DCLK3: variants seen among roughly 807,000 people sequenced by gnomAD.
DCLK3 encodes doublecortin like kinase 3, also known as serine/threonine-protein kinase DCLK3.
Under a neutral mutation model 46.4 loss-of-function variants are expected in DCLK3, and 30 were observed. That is an observed-to-expected ratio of 0.65 (90% CI 0.48 to 0.88). DCLK3 has a LOEUF of 0.88. Among genes scored for constraint, DCLK3 ranks in the 40% least tolerant of loss-of-function variants. The pLI is 0.00. For synonymous variants in DCLK3, 401 were observed against 339.2 expected, an observed-to-expected ratio of 1.18 and a Z score of -2.00; for missense variants, 846 against 907.1, an observed-to-expected ratio of 0.93 and a Z score of 0.87.
chr3:36,721,781 C>A, intron 2 of DCLK3, 122 bp from the exon 3 acceptor site: 1 of 1,162,832 alleles, frequency 8.6e-7, no homozygotes, highest in Admixed American at 2.2e-5. Flanking sequence ...GAGATTACAG[C>A]TTAGCCCAAC....
At chr3:36,727,667 A>G (rs1575137599) in intron 2 of DCLK3, among the ~76,000 whole-genome samples, 1 of 152,306 alleles carries the variant, frequency 6.6e-6, no homozygotes, top group East Asian at 1.9e-4. Flanking sequence ...GGTGGGGGGC[A>G]GCGGTTAAGA....
chr3:36,722,036 A>G (rs1457529786), intron 2 of DCLK3, among the ~76,000 whole-genome samples: 1 of 152,192 alleles, frequency 6.6e-6, no homozygotes, highest in Non-Finnish European at 1.5e-5. Context: ...ACACACTTCC[A>G]TTGTTGCAGA....
intron 1 of DCLK3, among the ~76,000 whole-genome samples, chr3:36,758,527 C>T (rs1442547875): frequency 1.3e-5 from 2 of 152,172 alleles, no homozygotes; most frequent in Admixed American, 6.5e-5. Flanking sequence ...GTTCCTGTTC[C>T]TTCCACTGTG....
At chr3:36,724,377 A>G (rs1050263783) in intron 2 of DCLK3, among the ~76,000 whole-genome samples, 1 of 152,184 alleles carries the variant, frequency 6.6e-6, no homozygotes, top group African/African-American at 2.4e-5. Flanking sequence ...ACTTTGGGGA[A>G]CTATTGAGAA....
At chr3:36,742,843 G>A (rs575201784) in intron 1 of DCLK3, among the ~76,000 whole-genome samples, 9 of 152,214 alleles carry the variant, frequency 5.9e-5, no homozygotes, top group African/African-American at 1.9e-4. Context: ...TATCCTTTAG[G>A]CCTGGGGCTC....
Position 36,721,586 on chromosome 3 carries a change from G to A in DCLK3, c.2033C>T (p.Pro678Leu). 2 of 1,614,132 alleles carry A rather than the reference G, an allele frequency of 1.2e-6. No homozygotes were observed. Among genetic ancestry groups the A allele is most frequent in the Admixed American group, 1.7e-5 (1 of 60,010 alleles). The change falls in exon 3 of 5, where the codon CCT becomes CTT. Residue 678 changes from proline (P) to leucine (L), a missense_variant. This residue lies in a region of DCLK3 where 247 missense variants were observed against 322.8 expected (regional missense o/e 0.77). Coordinates refer to ENST00000636136, the MANE Select transcript of DCLK3 (RefSeq NM_001394672.2). ...TGGGGTCCCACACACAGTAAATATA[G>A]GTCTCACCACATGCTTTGCAAGTCC... ...DFGLAKHVVR[P>L]IFTVCGTPTY...
Position 36,737,736 on chromosome 3 carries a change from G to A in DCLK3, c.1431C>T (p.Gly477=). Residue 477 remains glycine (G), a synonymous_variant, in exon 2 of 5, where the codon GGC becomes GGT. Transcript: ENST00000636136. This position sits in a 1 kb window ranked among gnomAD's most constrained non-coding sequence, Gnocchi z 4.4. The stretch of plus-strand genomic sequence containing the variant: ...GGTCATCTCTGAGAGTCATCCTTCT[G>A]CCTCCAGACATACATGGCTTTTTCT... ...EKEKKPCMSG[G]RRMTLRDDQP... The A allele has an allele frequency of 6.2e-7, 1 of 1,614,096 alleles. No individual in the cohort carries two copies.
rs1701273711 is a variant in DCLK3, at chr3:36,737,218, T to C, written c.1949A>G (p.Glu650Gly). 1 of 1,612,442 alleles carries C rather than the reference T, an allele frequency of 6.2e-7. No homozygotes were observed. Among genetic ancestry groups the C allele is most frequent in the Middle Eastern group, 1.7e-4 (1 of 6,058 alleles). Residue 650 changes from glutamate to glycine, a missense_variant, in exon 2 of 5, where the codon GAA (glutamate) becomes GGA (glycine). Glu to Gly is a moderately conservative substitution (Grantham distance 98, BLOSUM62 -2). Coordinates refer to ENST00000636136, the MANE Select transcript of DCLK3 (RefSeq NM_001394672.2). This position sits in a 1 kb window ranked among gnomAD's most constrained non-coding sequence, Gnocchi z 4.4. ...AAAGTCAAGGCTTACCAAAAGGTTT[T>C]CCGGCTTGAGGTCCCGGTGGACAAT... Reference protein sequence around the residue: ...KSIVHRDLKPENLLVQRNEDK... With the variant: ...KSIVHRDLKPGNLLVQRNEDK...
chr3:36,720,368 C>T (rs2125521186), intron 3 of DCLK3, among the ~76,000 whole-genome samples: 1 of 152,282 alleles, frequency 6.6e-6, no homozygotes, highest in Admixed American at 6.5e-5. Context: ...TTATAAATTA[C>T]CCAGCCTTCG....
chr3:36,755,969 G>A (rs751585301), intron 1 of DCLK3, among the ~76,000 whole-genome samples: 13 of 152,174 alleles, frequency 8.5e-5, no homozygotes, highest in Non-Finnish European at 1.8e-4. Context: ...GGAATGAGAA[G>A]TGACACATGG....
chr3:36,751,146 A>G (rs1169875071), intron 1 of DCLK3, among the ~76,000 whole-genome samples: 3 of 151,804 alleles, frequency 2.0e-5, no homozygotes. Context: ...AAAGCACATT[A>G]AAGTGAAAAC....
At chr3:36,731,290 T>A (rs1559389098) in intron 2 of DCLK3, among the ~76,000 whole-genome samples, 1 of 152,076 alleles carries the variant, frequency 6.6e-6, no homozygotes, top group Non-Finnish European at 1.5e-5. Flanking sequence ...GAAACTGATT[T>A]CACCTCGACC....
intron 2 of DCLK3, among the ~76,000 whole-genome samples, chr3:36,729,296 C>T (rs1185014547): frequency 6.6e-6 from 1 of 151,776 alleles, no homozygotes. Flanking sequence ...TCACTTTGCC[C>T]TCACCCCACA....
chr3:36,753,148 C>T (rs1701457907), intron 1 of DCLK3, among the ~76,000 whole-genome samples: 1 of 152,186 alleles, frequency 6.6e-6, no homozygotes, highest in South Asian at 2.1e-4. Context: ...CAATGCCAAC[C>T]TCCAGATGGA....
At chr3:36,754,344 T>A (rs1184165304) in intron 1 of DCLK3, among the ~76,000 whole-genome samples, 3 of 152,232 alleles carry the variant, frequency 2.0e-5, no homozygotes, top group African/African-American at 7.2e-5. Context: ...CTTTTTAAAT[T>A]AATAAGCCCA....
At position 36,739,098 on chromosome 3, in the gene DCLK3, A is replaced by G; in HGVS notation, c.83-14T>C. 2.5e-6 allele frequency: 1 copy of G among 398,422 alleles called. No homozygotes were observed. Among genetic ancestry groups the G allele is most frequent in the East Asian group, 3.6e-5 (1 of 28,082 alleles). 24.7% of individuals were successfully genotyped at this position (398,422 alleles called of 1,614,324 possible). On this transcript the variant is annotated splice_polypyrimidine_tract_variant and intron_variant, in intron 1 of 4. Coordinates refer to ENST00000636136, the MANE Select transcript of DCLK3 (RefSeq NM_001394672.2). ...GGCCTTGCTGTCCTGCAACAAGAAA[A>G]GGACAACAGAGTATTAGTTAAGATG...
At chr3:36,761,177 T>C (rs1701536464) in intron 1 of DCLK3, among the ~76,000 whole-genome samples, 1 of 152,238 alleles carries the variant, frequency 6.6e-6, no homozygotes, top group African/African-American at 2.4e-5. Flanking sequence ...ATGATGCCTC[T>C]ACATACACCA....
chr3:36,740,811 C>T (rs1280774529), intron 1 of DCLK3, among the ~76,000 whole-genome samples: 2 of 152,128 alleles, frequency 1.3e-5, no homozygotes, highest in African/African-American at 4.8e-5. Flanking sequence ...TTTATGCTTC[C>T]TTTAAAAAGA....
intron 3 of DCLK3, among the ~76,000 whole-genome samples, chr3:36,719,799 C>G (rs1230739736): frequency 6.6e-6 from 1 of 152,200 alleles, no homozygotes; most frequent in African/African-American, 2.4e-5. Flanking sequence ...AGCCCATCCC[C>G]CTATCTCCCA....
Sources: gnomAD v4.1 joint callset for allele counts (sites outside exome capture counted in the v4.1 genomes callset) on GRCh38, gnomAD v4.1.1 for gene constraint, gnomAD v4.1.1 regional missense constraint, Gnocchi (gnomAD v3.1) non-coding constraint, MANE v1.5 for transcripts, NCBI Gene and HGNC (gene_info 2026-07-23, HGNC 2026-07-21) for gene names.